Variants in ACOXL observed in about 807,000 individuals in gnomAD.
ACOXL encodes the protein acyl-CoA oxidase like.
ACOXL carries 70 observed loss-of-function variants against 71.9 expected under a neutral mutation model. That is an observed-to-expected ratio of 0.97 (90% CI 0.80 to 1.19). The LOEUF (loss-of-function observed/expected upper bound fraction) is 1.19, where lower values mean the gene tolerates loss of function less well. ACOXL is among the 50% of genes most tolerant of loss of function. The pLI, the probability that ACOXL is intolerant of heterozygous loss-of-function variation, is 0.00. For synonymous variants in ACOXL, 253 were observed against 281.6 expected, an observed-to-expected ratio of 0.90 and a Z score of 1.02; for missense variants, 703 against 736.3, an observed-to-expected ratio of 0.95 and a Z score of 0.52.
intron 10 of ACOXL, among the ~76,000 whole-genome samples, chr2:110,849,247 A>C (rs985335430): frequency 1.3e-5 from 2 of 152,182 alleles, no homozygotes; most frequent in African/African-American, 4.8e-5. Context: ...CCTTACAGCC[A>C]AGGCCATTTA....
At chr2:111,072,671 C>A (rs1173795942) in intron 16 of ACOXL, among the ~76,000 whole-genome samples, 1 of 152,222 alleles carries the variant, frequency 6.6e-6, no homozygotes, top group East Asian at 1.9e-4. Context: ...GAGGGAACTG[C>A]CATGTGCATT....
intron 14 of ACOXL, among the ~76,000 whole-genome samples, chr2:111,030,509 C>T (rs543763267): frequency 6.6e-6 from 1 of 152,300 alleles, no homozygotes; most frequent in South Asian, 2.1e-4. Context: ...CTAAATTATA[C>T]ATGGGTAGAG....
intron 12 of ACOXL, among the ~76,000 whole-genome samples, chr2:110,940,441 A>G (rs921897649): frequency 3.9e-5 from 6 of 152,228 alleles, no homozygotes; most frequent in African/African-American, 1.4e-4. Context: ...CTGGAATGTT[A>G]TTAATTTGGC....
chr2:110,926,141 A>G (rs2149313286), intron 11 of ACOXL, among the ~76,000 whole-genome samples: 1 of 152,284 alleles, frequency 6.6e-6, no homozygotes, highest in African/African-American at 2.4e-5. Context: ...AAGATCACTA[A>G]TGACAGATCA....
intron 12 of ACOXL, among the ~76,000 whole-genome samples, chr2:110,962,357 TG>T (rs1351255312): frequency 1.3e-5 from 2 of 152,142 alleles, no homozygotes; most frequent in Non-Finnish European, 2.9e-5. Context: ...TATTATGGGG[TG>T]GGGGGAAGTG....
At chr2:110,930,288 C>A (rs1043405556) in intron 11 of ACOXL, among the ~76,000 whole-genome samples, 20 of 152,202 alleles carry the variant, frequency 1.3e-4, no homozygotes, top group Admixed American at 1.3e-3. Context: ...GATTTGACCA[C>A]CCCACTGGAC....
chr2:110,978,860 T>C (rs1348945032), intron 12 of ACOXL, among the ~76,000 whole-genome samples: 1 of 152,198 alleles, frequency 6.6e-6, no homozygotes, highest in Non-Finnish European at 1.5e-5. Flanking sequence ...TTCTTTATTT[T>C]GTCACAGCTT....
At chr2:111,072,404 G>T (rs1359367814) in intron 16 of ACOXL, among the ~76,000 whole-genome samples, 1 of 152,208 alleles carries the variant, frequency 6.6e-6, no homozygotes, top group Non-Finnish European at 1.5e-5. Flanking sequence ...CAGCCAAGTG[G>T]TTGCATTCAT....
intron 16 of ACOXL, among the ~76,000 whole-genome samples, chr2:111,057,529 A>T (rs946587889): frequency 7.2e-5 from 11 of 152,188 alleles, no homozygotes; most frequent in African/African-American, 2.4e-4. Flanking sequence ...CTCTAGAATT[A>T]TTCTGAAAGC....
At chr2:110,751,588 T>C (rs959569808) in intron 1 of ACOXL, among the ~76,000 whole-genome samples, 24 of 152,188 alleles carry the variant, frequency 1.6e-4, no homozygotes, top group Admixed American at 1.3e-3. Context: ...GCTGTAGAAC[T>C]TCATACAATG....
At chr2:110,935,290 G>A (rs903246452) in intron 12 of ACOXL, among the ~76,000 whole-genome samples, 2 of 152,066 alleles carry the variant, frequency 1.3e-5, no homozygotes, top group East Asian at 1.9e-4. Context: ...TCCCTTTCTC[G>A]CAGTTCACAG....
At chr2:110,806,781 C>G (rs1423133402) in intron 9 of ACOXL, among the ~76,000 whole-genome samples, 1 of 152,160 alleles carries the variant, frequency 6.6e-6, no homozygotes, top group East Asian at 1.9e-4. Flanking sequence ...AAACCTTGCA[C>G]TCTTGCTGGT....
chr2:110,960,693 C>T (rs1417626105), intron 12 of ACOXL, among the ~76,000 whole-genome samples: 5 of 122,618 alleles, frequency 4.1e-5, no homozygotes, highest in African/African-American at 1.4e-4. Flanking sequence ...TATAAATTTT[C>T]TGGGTTTTTT....
At chr2:110,943,246 GAAAA>G (rs1558765745) in intron 12 of ACOXL, among the ~76,000 whole-genome samples, 1 of 111,592 alleles carries the variant, frequency 9.0e-6, no homozygotes, top group Non-Finnish European at 1.8e-5. Flanking sequence ...GAAAGAGAAA[GAAAA>G]AGAAAAGAAA....
rs190893337 is a variant in ACOXL at position 110,879,013 on chromosome 2, C to T, written c.789-29776C>T. 8.9e-4 allele frequency among the ~76,000 whole-genome samples: 131 copies of T among 146,686 alleles called. 1 individual carries two copies. Among genetic ancestry groups the T allele is most frequent in the Admixed American group, 6.4e-3 (95 of 14,768 alleles). On this transcript the variant is annotated intron_variant, in intron 10 of 17. Transcript: ENST00000439055. Reference sequence around the variant, plus strand: ...CGGAGGTTGCGGTGAGCTGAGATCACGCCACTACCCTCCAGCCTGGGCGAC... The same window carrying T: ...CGGAGGTTGCGGTGAGCTGAGATCATGCCACTACCCTCCAGCCTGGGCGAC...
rs1045316664 is a variant in ACOXL, at chr2:110,993,501, T to C, written c.1170-2392T>C. ...TTTTCATTATTGTAGTATTTTACTT[T>C]ATGGATATAGTAGAATCATTCTCTT... On this transcript the variant is annotated intron_variant, in intron 13 of 17. Coordinates refer to ENST00000439055, the MANE Select transcript of ACOXL (RefSeq NM_001142807.4). 1.3e-4 allele frequency among the ~76,000 whole-genome samples: 20 copies of C among 152,256 alleles called. No individual in the cohort carries two copies. In the East Asian group the frequency reaches 3.8e-3, roughly 29 times the overall value.
At chr2:111,054,124 A>G (rs1290525258) in intron 16 of ACOXL, among the ~76,000 whole-genome samples, 2 of 152,196 alleles carry the variant, frequency 1.3e-5, no homozygotes, top group Non-Finnish European at 2.9e-5. Flanking sequence ...TAGAAGCACC[A>G]TGGGAGGCTC....
intron 9 of ACOXL, among the ~76,000 whole-genome samples, chr2:110,816,519 G>T (rs1054254701): frequency 6.6e-6 from 1 of 152,212 alleles, no homozygotes; most frequent in African/African-American, 2.4e-5. Context: ...AGCTGAGGCA[G>T]GTGTGTATCT....
chr2:111,029,104 A>G (rs1052971407), intron 14 of ACOXL, among the ~76,000 whole-genome samples: 1 of 152,240 alleles, frequency 6.6e-6, no homozygotes, highest in African/African-American at 2.4e-5. Flanking sequence ...ATGAGCAAAT[A>G]CAATTAAGTG....
Sources: gnomAD v4.1 joint callset for allele counts (sites outside exome capture counted in the v4.1 genomes callset) on GRCh38, gnomAD v4.1.1 for gene constraint, MANE v1.5 for transcripts, NCBI Gene and HGNC (gene_info 2026-07-23, HGNC 2026-07-21) for gene names.